The following TENM3 variants were observed in gnomAD, a reference collection of about 807,000 sequenced individuals.
TENM3 encodes teneurin-3.
A neutral mutation model predicts 255.1 loss-of-function variants in TENM3; 63 were observed. That is an observed-to-expected ratio of 0.25 (90% CI 0.20 to 0.30). The LOEUF is 0.30. Among genes scored for constraint, TENM3 ranks in the 10% least tolerant of loss-of-function variants. TENM3 has a pLI of 1.00. For missense variants in TENM3, 2,929 were observed against 3,461.1 expected (o/e 0.85, Z 3.86); for synonymous variants, 1,306 against 1,322.3 (o/e 0.99, Z 0.27).
At chr4:182,066,648 T>G in the TENM3 span, among the ~76,000 whole-genome samples, 5 of 150,598 alleles carry the variant, frequency 3.3e-5, no homozygotes, top group Admixed American at 6.6e-5. Flanking sequence ...CGGTGGCTCA[T>G]GCCTATAATC....
the TENM3 span, among the ~76,000 whole-genome samples, chr4:181,963,706 AAGCCCCT>A: frequency 2.0e-5 from 3 of 152,216 alleles, no homozygotes. Flanking sequence ...CCATCTTCAA[AAGCCCCT>A]AGCAGTGGAT....
chr4:181,782,221 T>C, the TENM3 span, among the ~76,000 whole-genome samples: 35 of 152,200 alleles, frequency 2.3e-4, no homozygotes, highest in Non-Finnish European at 4.6e-4. Context: ...GTACCTCTGG[T>C]AGAATTTGGC....
the TENM3 span, among the ~76,000 whole-genome samples, chr4:181,468,546 A>G: frequency 6.6e-6 from 1 of 152,234 alleles, no homozygotes; most frequent in Non-Finnish European, 1.5e-5. Context: ...CCATCTGTAT[A>G]GTGCGCTCTG....
At chr4:182,225,854 G>A (rs1382821585) in intron 1 of TENM3, among the ~76,000 whole-genome samples, 9 of 152,146 alleles carry the variant, frequency 5.9e-5, no homozygotes, top group Non-Finnish European at 8.8e-5. Context: ...GTCTCACGGG[G>A]CTCAGAATTT....
intron 17 of TENM3, among the ~76,000 whole-genome samples, chr4:182,737,339 T>A (rs1480985150): frequency 1.3e-5 from 2 of 152,224 alleles, no homozygotes; most frequent in African/African-American, 2.4e-5. Context: ...GCTTGTCACA[T>A]CCTTTCTCCC....
At chr4:182,355,965 T>A (rs2150736673) in intron 3 of TENM3, among the ~76,000 whole-genome samples, 2 of 151,254 alleles carry the variant, frequency 1.3e-5, no homozygotes, top group East Asian at 3.9e-4. Flanking sequence ...ATTTACTCTG[T>A]GATCTATATT....
At chr4:182,492,673 T>A (rs1735415445) in intron 3 of TENM3, among the ~76,000 whole-genome samples, 1 of 152,214 alleles carries the variant, frequency 6.6e-6, no homozygotes. Flanking sequence ...ACTTCTTATC[T>A]GTGCCAAATC....
At chr4:182,543,791 T>C (rs997150979) in intron 3 of TENM3, among the ~76,000 whole-genome samples, 2 of 152,148 alleles carry the variant, frequency 1.3e-5, no homozygotes, top group African/African-American at 4.8e-5. Flanking sequence ...TCAGCTACTC[T>C]ATTTTAAGTG....
chr4:181,826,342 A>G, the TENM3 span, among the ~76,000 whole-genome samples: 3 of 152,220 alleles, frequency 2.0e-5, no homozygotes, highest in African/African-American at 2.4e-5. Context: ...ACTATCAATG[A>G]TAAGTGTTAA....
chr4:181,641,552 G>GTGTA, the TENM3 span, among the ~76,000 whole-genome samples: 3 of 21,694 alleles, frequency 1.4e-4, 1 homozygote, highest in African/African-American at 4.8e-4. Context: ...CATGGTGTGT[G>GTGTA]TGTATATATA....
At chr4:181,737,550 G>A in the TENM3 span, among the ~76,000 whole-genome samples, 9 of 152,106 alleles carry the variant, frequency 5.9e-5, no homozygotes, top group South Asian at 8.3e-4. Flanking sequence ...GGAAAAAAAC[G>A]CTGACAGCAC....
intron 1 of TENM3, among the ~76,000 whole-genome samples, chr4:182,230,455 C>G (rs11132119): frequency 0.26 from 39,673 of 151,946 alleles, 5,667 homozygotes; most frequent in South Asian, 0.41. Context: ...TGGCGAACCT[C>G]TTGATTAGGA....
chr4:182,769,087 A>C (rs574562369), intron 22 of TENM3, among the ~76,000 whole-genome samples: 1 of 152,382 alleles, frequency 6.6e-6, no homozygotes, highest in Non-Finnish European at 1.5e-5. Flanking sequence ...AGGCCAAGCA[A>C]CGTTCAGTTG....
chr4:181,603,658 A>G, the TENM3 span, among the ~76,000 whole-genome samples: 562 of 152,346 alleles, frequency 3.7e-3, 4 homozygotes, highest in South Asian at 9.1e-3. Context: ...ACATCCAACA[A>G]GCACCTACTG....
rs28635560 is a variant in TENM3 at position 182,623,266 on chromosome 4, G to A, written c.750-5385G>A. 3.3e-5 allele frequency among the ~76,000 whole-genome samples: 5 copies of A among 151,620 alleles called. No individual in the cohort carries two copies. In the East Asian group the frequency reaches 7.8e-4, roughly 24 times the overall value. Reference sequence around the variant, plus strand: ...CTGACCTTGTGATCCACCTGTCCCCGCCTCCCTAAGTGCTGGGATTACAGG... The same window carrying A: ...CTGACCTTGTGATCCACCTGTCCCCACCTCCCTAAGTGCTGGGATTACAGG... On this transcript the variant is annotated intron_variant, in intron 4 of 27. Coordinates refer to ENST00000511685, the MANE Select transcript of TENM3 (RefSeq NM_001080477.4).
intron 1 of TENM3, among the ~76,000 whole-genome samples, chr4:182,210,959 C>G (rs1754992040): frequency 6.6e-6 from 1 of 152,158 alleles, no homozygotes; most frequent in African/African-American, 2.4e-5. Flanking sequence ...TCCTTCCAGC[C>G]CCTTCCTATA....
At chr4:181,976,166 C>T in the TENM3 span, 1 of 152,512 alleles carries the variant, frequency 6.6e-6, no homozygotes, top group Non-Finnish European at 1.5e-5. Context: ...GTTGCCCAGG[C>T]TGAAGCACAG....
the TENM3 span, among the ~76,000 whole-genome samples, chr4:181,484,162 G>A: frequency 6.6e-6 from 1 of 151,976 alleles, no homozygotes; most frequent in South Asian, 2.1e-4. Context: ...CTGATAACCT[G>A]ATTTCATACT....
At chr4:181,909,737 A>G in the TENM3 span, among the ~76,000 whole-genome samples, 4 of 152,230 alleles carry the variant, frequency 2.6e-5, no homozygotes, top group South Asian at 8.3e-4. Flanking sequence ...CAAAGGAAAC[A>G]GCAGGTACTT....
Sources: gnomAD v4.1 joint callset for allele counts (sites outside exome capture counted in the v4.1 genomes callset) on GRCh38, gnomAD v4.1.1 for gene constraint, MANE v1.5 for transcripts, NCBI Gene and HGNC (gene_info 2026-07-23, HGNC 2026-07-21) for gene names.